Variants in SGCB observed in about 807,000 individuals in gnomAD.
The protein encoded by SGCB is beta-sarcoglycan.
In SGCB, 25 loss-of-function variants were observed where a neutral mutation model predicts 27.3. The observed-to-expected ratio is 0.92, with a 90% confidence interval of 0.67 to 1.28. The LOEUF is 1.28. Among genes scored for constraint, SGCB ranks in the 50% most tolerant of loss-of-function variants. SGCB has a pLI of 0.00. For synonymous variants in SGCB, 147 were observed against 133.5 expected (o/e 1.10, Z -0.70); for missense variants, 436 against 402.1 (o/e 1.08, Z -0.72).
chr4:52,026,250 G>GTTTTT (rs71193050), intron 5 of SGCB, among the ~76,000 whole-genome samples: 4 of 101,668 alleles, frequency 3.9e-5, no homozygotes, highest in Admixed American at 1.0e-4. Flanking sequence ...TTTGTTGTTG[G>GTTTTT]TTTTTTTTTT....
intron 4 of SGCB, 84 bp downstream of exon 4, chr4:52,028,643 AAAC>A (rs560121738): frequency 2.9e-4 from 324 of 1,103,964 alleles, no homozygotes; most frequent in East Asian, 3.6e-4. Flanking sequence ...CTCAAAAAAA[AAAC>A]AACAACAGTA....
intron 4 of SGCB, among the ~76,000 whole-genome samples, 186 bp downstream of exon 4, chr4:52,028,544 G>A (rs1426610362): frequency 6.6e-6 from 1 of 152,022 alleles, no homozygotes; most frequent in Non-Finnish European, 1.5e-5. Flanking sequence ...GCTGAGGCAG[G>A]AGAATGGCGT....
At chr4:52,029,903 C>T (rs1200067067) in intron 2 of SGCB, 40 bp from the exon 3 acceptor site, 6 of 1,436,244 alleles carry the variant, frequency 4.2e-6, no homozygotes, top group Middle Eastern at 1.7e-4. Flanking sequence ...AGGCCGCATA[C>T]ATTTAATGTA....
At chr4:52,038,190 G>A in intron 1 of SGCB, 37 bp downstream of exon 1, 5 of 1,199,258 alleles carry the variant, frequency 4.2e-6, no homozygotes, top group Non-Finnish European at 1.0e-6. Flanking sequence ...GGCCTCCCCC[G>A]CTCCTCCAGC....
chr4:52,028,088 A>T lies in SGCB; in HGVS notation c.633T>A (p.Asn211Lys), dbSNP rs746673205. 13 of 1,612,404 alleles carry T rather than the reference A, an allele frequency of 8.1e-6. No homozygotes were observed. Among genetic ancestry groups the T allele is most frequent in the Non-Finnish European group, 8.5e-7 (1 of 1,178,694 alleles). Residue 211 changes from asparagine to lysine, a missense_variant, in exon 5 of 6, where the codon AAT (asparagine) becomes AAA (lysine). By Grantham distance (94) the Asn-to-Lys change is moderately conservative (BLOSUM62 0). Transcript: ENST00000381431. ...QKASTERITS[N>K]ATSDLNIKVD... The stretch of plus-strand genomic sequence containing the variant: ...CTTTTATATTTAAATCACTGGTAGC[A>T]TTGCTGGTAATCTGAAAATTTAAAA...
chr4:52,035,673 T>A lies in SGCB; in HGVS notation c.34-2033A>T, dbSNP rs569938721. 6.6e-5 allele frequency among the ~76,000 whole-genome samples: 10 copies of A among 152,182 alleles called. 1 individual carries two copies. The highest frequency in any genetic ancestry group is 6.5e-4 in the Admixed American group (10 of 15,282). On this transcript the variant is annotated intron_variant, in intron 1 of 5. Coordinates refer to ENST00000381431, the MANE Select transcript of SGCB (RefSeq NM_000232.5). ...TAAGCTGCTGGGGATGTTGTAGTAA[T>A]GGAGGATTGAGGTTAAGAGGACCTA...
intron 3 of SGCB, 150 bp from the exon 4 acceptor site, chr4:52,029,071 C>G: frequency 4.7e-6 from 3 of 634,196 alleles, no homozygotes; most frequent in South Asian, 1.9e-5. Context: ...TCTGTCTGTT[C>G]TCCCTCCATC....
At position 52,026,140 on chromosome 4, in the gene SGCB, A is replaced by T. The variant is rs139527622; in HGVS notation, c.753+1828T>A. Among the ~76,000 whole-genome samples the T allele has an allele frequency of 6.9e-4, 105 of 151,598 alleles. 1 individual carries two copies. Among genetic ancestry groups the T allele is most frequent in the African/African-American group, 2.5e-3 (104 of 41,388 alleles). On this transcript the variant is annotated intron_variant, in intron 5 of 5. Coordinates refer to ENST00000381431, the MANE Select transcript of SGCB (RefSeq NM_000232.5). The stretch of plus-strand genomic sequence containing the variant: ...GATGGTTAACTGATTATGCAGTGGT[A>T]GTATATGGAATAGACAGTAATTCTT...
At chr4:52,024,942 C>G (rs1737049531) in intron 5 of SGCB, among the ~76,000 whole-genome samples, 2 of 151,432 alleles carry the variant, frequency 1.3e-5, no homozygotes, top group Non-Finnish European at 2.9e-5. Flanking sequence ...AATTTGAAGA[C>G]CAGGCACTCT....
intron 1 of SGCB, among the ~76,000 whole-genome samples, chr4:52,037,545 A>G (rs1737427213): frequency 6.6e-6 from 1 of 152,240 alleles, no homozygotes; most frequent in East Asian, 1.9e-4. Context: ...GTGTATGTAT[A>G]TATTAACACA....
Position 52,021,309 on chromosome 4 carries a change from T to C in SGCB, c.*2648A>G, listed in dbSNP as rs1204117889. On this transcript the variant is annotated 3_prime_UTR_variant, in exon 6 of 6. Transcript: ENST00000381431. ...AGGAAGAGGCGAAGTCAGCATTTCA[T>C]TTACAGAAAAATACTATCTGGTGGA... 6.6e-6 allele frequency: 1 copy of C among 152,284 alleles called. No individual in the cohort carries two copies. Among genetic ancestry groups the C allele is most frequent in the Non-Finnish European group, 1.5e-5 (1 of 68,168 alleles). The allele number at this position is 152,284 out of a possible 1,614,324, so 9.4% of individuals were successfully genotyped here.
intron 4 of SGCB, among the ~76,000 whole-genome samples, chr4:52,028,457 G>A (rs931817649): frequency 1.3e-5 from 2 of 152,090 alleles, no homozygotes; most frequent in African/African-American, 4.8e-5. Flanking sequence ...CTAACACGGT[G>A]AAACCCCGTC....
At chr4:52,032,628 G>T (rs1484905425) in intron 2 of SGCB, among the ~76,000 whole-genome samples, 1 of 152,150 alleles carries the variant, frequency 6.6e-6, no homozygotes, top group Non-Finnish European at 1.5e-5. Context: ...TTTGAGTGAA[G>T]AATTAGACAG....
rs142801720 is a variant in SGCB at position 52,028,856 on chromosome 4, G to A, written c.495C>T (p.Asp165=). The stretch of plus-strand genomic sequence containing the variant: ...TCGGGTCAAAAAACTGCATGCCGAT[G>A]TCACTTGTAATAGAAGTTTTGTTGT... The part of the protein sequence containing the change: ...VENNKTSITS[D]IGMQFFDPRT... Residue 165 remains aspartate (D), a synonymous_variant, in exon 4 of 6, where the codon GAC becomes GAT. Coordinates refer to ENST00000381431, the MANE Select transcript of SGCB (RefSeq NM_000232.5). 674 of 1,613,668 alleles carry A rather than the reference G, an allele frequency of 4.2e-4. No individual in the cohort carries two copies. The highest frequency in any genetic ancestry group is 5.5e-4 in the Non-Finnish European group (650 of 1,179,626).
chr4:52,024,242 A>G (rs1250554150), intron 5 of SGCB, 82 bp from the exon 6 acceptor site: 2 of 1,055,262 alleles, frequency 1.9e-6, no homozygotes, highest in Non-Finnish European at 2.9e-6. Flanking sequence ...TTCCTGAAAT[A>G]TCAATGAGAA....
At position 52,023,743 on chromosome 4, in the gene SGCB, G is replaced by C; in HGVS notation, c.*214C>G. On this transcript the variant is annotated 3_prime_UTR_variant, in exon 6 of 6. Coordinates refer to ENST00000381431, the MANE Select transcript of SGCB (RefSeq NM_000232.5). ...ATTTGCTTCTCATAATTATTTTAGA[G>C]AACAGTAAATATGAAGATTAGTATA... is the stretch of plus-strand genomic sequence containing the variant. 1.9e-6 allele frequency: 1 copy of C among 513,826 alleles called. No homozygotes were observed. Among genetic ancestry groups the C allele is most frequent in the Non-Finnish European group, 3.5e-6 (1 of 288,972 alleles). 31.8% of individuals were successfully genotyped at this position (513,826 alleles called of 1,614,324 possible). A position where few individuals can be genotyped will look rare whatever the true frequency, so the allele number is the denominator to read the frequency against.
intron 2 of SGCB, 143 bp from the exon 3 acceptor site, chr4:52,030,006 C>A (rs910309656): frequency 7.3e-6 from 5 of 682,756 alleles, no homozygotes; most frequent in Non-Finnish European, 1.3e-5. Flanking sequence ...TAATTTTCCA[C>A]TTATAAACAA....
At position 52,020,716 on chromosome 4, in the gene SGCB, A is replaced by T. The variant is rs974557052; in HGVS notation, c.*3241T>A. On this transcript the variant is annotated 3_prime_UTR_variant, in exon 6 of 6. Coordinates refer to ENST00000381431, the MANE Select transcript of SGCB (RefSeq NM_000232.5). The stretch of plus-strand genomic sequence containing the variant: ...AAAATTAACAGCAAACAATTTACAG[A>T]ATTTTTATTGTAAACAGAAGCTCAT... 3.9e-5 allele frequency: 6 copies of T among 152,662 alleles called. No homozygotes were observed. The highest frequency in any genetic ancestry group is 1.2e-4 in the African/African-American group (5 of 41,476). 9.5% of individuals were successfully genotyped at this position (152,662 alleles called of 1,614,324 possible).
chr4:52,037,771 G>A (rs1737434441), intron 1 of SGCB, among the ~76,000 whole-genome samples: 1 of 152,150 alleles, frequency 6.6e-6, no homozygotes, highest in South Asian at 2.1e-4. Flanking sequence ...TATTGGAGAT[G>A]GCAGAAACAA....
Sources: allele counts gnomAD v4.1 joint callset (sites outside exome capture counted in the v4.1 genomes callset), GRCh38; gene constraint gnomAD v4.1.1; transcripts MANE v1.5; gene names NCBI Gene and HGNC (gene_info 2026-07-23, HGNC 2026-07-21).